Variants in KHDRBS3 observed in about 807,000 individuals in gnomAD.
The protein encoded by KHDRBS3 is KH domain-containing, RNA-binding, signal transduction-associated protein 3.
Under a neutral mutation model 45.6 loss-of-function variants are expected in KHDRBS3, and 23 were observed. The ratio of observed to expected loss-of-function variants is 0.50; its 90% CI spans 0.36 to 0.72. KHDRBS3 has a LOEUF of 0.72. KHDRBS3 is among the 30% of genes least tolerant of loss of function. KHDRBS3 has a pLI of 0.00. For missense variants in KHDRBS3, 352 were observed against 424.8 expected (o/e 0.83, Z 1.51); for synonymous variants, 162 against 156.5 (o/e 1.04, Z -0.26).
At chr8:135,596,935 G>A (rs1828998154) in intron 6 of KHDRBS3, among the ~76,000 whole-genome samples, 1 of 152,062 alleles carries the variant, frequency 6.6e-6, no homozygotes, top group African/African-American at 2.4e-5. Flanking sequence ...GTTCCACATG[G>A]TCTCGTCCCT....
chr8:135,470,265 C>G (rs1414926036), intron 1 of KHDRBS3, among the ~76,000 whole-genome samples: 3 of 152,002 alleles, frequency 2.0e-5, no homozygotes, highest in African/African-American at 7.3e-5. Flanking sequence ...TCTTCTGGGT[C>G]TTGAAGTGCC....
intron 2 of KHDRBS3, among the ~76,000 whole-genome samples, chr8:135,538,355 T>C (rs1273504972): frequency 6.6e-6 from 1 of 152,128 alleles, no homozygotes; most frequent in African/African-American, 2.4e-5. Context: ...CAGCTACTTT[T>C]TAAGGGGCAA....
intron 5 of KHDRBS3, among the ~76,000 whole-genome samples, chr8:135,563,743 A>G (rs1827274638): frequency 1.3e-5 from 2 of 152,136 alleles, no homozygotes; most frequent in Non-Finnish European, 1.5e-5. Flanking sequence ...ATGTGAAGGT[A>G]CTGGTTTTGT....
At position 135,496,799 on chromosome 8, in the gene KHDRBS3, G is replaced by A. The variant is rs1468071315; in HGVS notation, c.89-24438G>A. Among the ~76,000 whole-genome samples the A allele has an allele frequency of 4.6e-5, 7 of 152,238 alleles. No individual in the cohort carries two copies. The East Asian group carries it at 1.3e-3, about 29-fold the overall frequency. On this transcript the variant is annotated intron_variant, in intron 1 of 8. Transcript: ENST00000355849. The stretch of plus-strand genomic sequence containing the variant: ...TCCCATGGCTGCTGGTCGGCTGGTG[G>A]TCAGTGGCTGGGAACTCAGCTGGGA...
intron 7 of KHDRBS3, among the ~76,000 whole-genome samples, chr8:135,612,529 A>C (rs899847629): frequency 1.3e-5 from 2 of 151,914 alleles, no homozygotes; most frequent in Non-Finnish European, 2.9e-5. Flanking sequence ...GGGCAGTGCC[A>C]TGTAGCACTT....
chr8:135,556,965 C>T (rs1563766248), intron 4 of KHDRBS3, among the ~76,000 whole-genome samples: 1 of 152,162 alleles, frequency 6.6e-6, no homozygotes, highest in East Asian at 1.9e-4. Flanking sequence ...GCCTGTGTCC[C>T]TGTGGTTCTT....
intron 1 of KHDRBS3, among the ~76,000 whole-genome samples, chr8:135,462,237 G>GTTTTT (rs541659142): frequency 0.013 from 1,777 of 140,236 alleles, 31 homozygotes; most frequent in African/African-American, 0.043. Context: ...TGTGTTATCA[G>GTTTTT]TTTTTTTTTT....
intron 4 of KHDRBS3, chr8:135,549,884 T>A (rs1251652175): frequency 6.6e-6 from 1 of 152,212 alleles, no homozygotes; most frequent in Non-Finnish European, 1.5e-5. Flanking sequence ...AGAATTGCAT[T>A]AAGTATGTAA....
At chr8:135,588,041 T>C (rs1333769179) in intron 6 of KHDRBS3, among the ~76,000 whole-genome samples, 1 of 152,190 alleles carries the variant, frequency 6.6e-6, no homozygotes, top group African/African-American at 2.4e-5. Flanking sequence ...CTGTGTGTCC[T>C]GCAGTTTAAT....
chr8:135,579,984 C>A (rs1431185967), intron 5 of KHDRBS3, among the ~76,000 whole-genome samples: 1 of 152,176 alleles, frequency 6.6e-6, no homozygotes. Context: ...TCTTGTTCCC[C>A]CTCAGACCAC....
rs554728161 is a variant in KHDRBS3 at position 135,638,907 on chromosome 8, G to A, written c.891-6152G>A. 4.7e-5 allele frequency among the ~76,000 whole-genome samples: 7 copies of A among 150,438 alleles called. No homozygotes were observed. The East Asian group carries it at 1.4e-3, about 30-fold the overall frequency. On this transcript the variant is annotated intron_variant, in intron 7 of 8. Coordinates refer to ENST00000355849, the MANE Select transcript of KHDRBS3 (RefSeq NM_006558.3). ...ACCTGGGAGGCGGAGGTTGCAGTGA[G>A]CCAAGAGCGCGCCACTGCACTCCAG...
intron 8 of KHDRBS3, 45 bp from the exon 9 acceptor site, chr8:135,646,948 G>T (rs946912518): frequency 2.9e-6 from 3 of 1,026,466 alleles, no homozygotes; most frequent in Non-Finnish European, 4.7e-6. Flanking sequence ...AAGCCTGTGG[G>T]ATTCATGGCA....
At chr8:135,514,915 C>T (rs1256236371) in intron 1 of KHDRBS3, among the ~76,000 whole-genome samples, 2 of 152,048 alleles carry the variant, frequency 1.3e-5, no homozygotes, top group Non-Finnish European at 2.9e-5. Flanking sequence ...CATGAGTCAT[C>T]ATCAACAAAG....
Position 135,548,756 on chromosome 8 carries a change from A to G in KHDRBS3, c.327A>G (p.Glu109=), listed in dbSNP as rs1189386089. The change falls in exon 4 of 9, where the codon GAA becomes GAG. Residue 109 remains glutamate, a splice_region_variant and synonymous_variant. Coordinates refer to ENST00000355849, the MANE Select transcript of KHDRBS3 (RefSeq NM_006558.3). ...GKGSMRDKAK[E]EELRKSGEAK... The stretch of plus-strand genomic sequence containing the variant: ...GATTTCTTTTTTCCTTTTTCCAGGA[A>G]GAAGAGTTGAGGAAAAGTGGAGAAG... 5.3e-6 allele frequency: 8 copies of G among 1,513,068 alleles called. No homozygotes were observed. In the African/African-American group the frequency reaches 7.1e-5, roughly 13 times the overall value. The allele number at this position is 1,513,068 out of a possible 1,614,324, so 93.7% of individuals were successfully genotyped here.
At chr8:135,472,679 G>A (rs1822073238) in intron 1 of KHDRBS3, among the ~76,000 whole-genome samples, 1 of 152,230 alleles carries the variant, frequency 6.6e-6, no homozygotes, top group Non-Finnish European at 1.5e-5. Context: ...AGGATGTCAT[G>A]CAGGAGAATG....
At chr8:135,473,063 T>G (rs1822094562) in intron 1 of KHDRBS3, among the ~76,000 whole-genome samples, 1 of 152,196 alleles carries the variant, frequency 6.6e-6, no homozygotes, top group South Asian at 2.1e-4. Context: ...GTGATGCATT[T>G]TTTAAGTAGG....
At chr8:135,587,963 A>G (rs1183413662) in intron 6 of KHDRBS3, among the ~76,000 whole-genome samples, 1 of 152,166 alleles carries the variant, frequency 6.6e-6, no homozygotes, top group African/African-American at 2.4e-5. Context: ...TTTCCTCTTT[A>G]CTGCTGCTCT....
chr8:135,538,679 C>T (rs1301616652), intron 2 of KHDRBS3: 1 of 152,096 alleles, frequency 6.6e-6, no homozygotes, highest in Non-Finnish European at 1.5e-5. Flanking sequence ...TGCTGAGAAA[C>T]CTCTGTGTTC....
chr8:135,562,402 C>T (rs964432087), intron 5 of KHDRBS3, among the ~76,000 whole-genome samples: 4 of 152,182 alleles, frequency 2.6e-5, no homozygotes, highest in African/African-American at 9.7e-5. Context: ...ATCATATAGC[C>T]TAGGCGTGTA....
Sources: gnomAD v4.1 joint callset for allele counts (sites outside exome capture counted in the v4.1 genomes callset) on GRCh38, gnomAD v4.1.1 for gene constraint, MANE v1.5 for transcripts, NCBI Gene and HGNC (gene_info 2026-07-23, HGNC 2026-07-21) for gene names.